The following TPT1 variants were observed in gnomAD, a reference collection of about 807,000 sequenced individuals.
TPT1 encodes tumor protein, translationally-controlled 1.
Under a neutral mutation model 22.8 loss-of-function variants are expected in TPT1, and 5 were observed. The ratio of observed to expected loss-of-function variants is 0.22; its 90% CI spans 0.11 to 0.46. TPT1 has a LOEUF of 0.46. TPT1 is among the 20% of genes least tolerant of loss of function. The probability of loss-of-function intolerance (pLI) is 0.99; values close to 1 mark genes in which losing one functional copy is unlikely to be tolerated. For synonymous variants in TPT1, 89 were observed against 73.6 expected (o/e 1.21, Z -1.07); for missense variants, 130 against 218.7 (o/e 0.59, Z 2.56).
At position 45,337,252 on chromosome 13, in the gene TPT1, A is replaced by G; in HGVS notation, c.*134T>C. Reference sequence around the variant, plus strand: ...TAAAAACAATGCCTCCACTCCAAATAAATCACAGTCAAAATAAATGAAGAG... The same window carrying G: ...TAAAAACAATGCCTCCACTCCAAATGAATCACAGTCAAAATAAATGAAGAG... On this transcript the variant is annotated 3_prime_UTR_variant, in exon 6 of 6. Coordinates refer to ENST00000530705, the MANE Select transcript of TPT1 (RefSeq NM_003295.4). 1 of 883,816 alleles carries G rather than the reference A, an allele frequency of 1.1e-6. No individual in the cohort carries two copies. The highest frequency in any genetic ancestry group is 1.8e-6 in the Non-Finnish European group (1 of 555,850). The allele number at this position is 883,816 out of a possible 1,614,324, so 54.7% of individuals were successfully genotyped here. A position where few individuals can be genotyped will look rare whatever the true frequency, so the allele number is the denominator to read the frequency against.
At chr13:45,339,417 A>T (rs1878930293) in intron 4 of TPT1, 80 bp downstream of exon 4, 3 of 1,299,722 alleles carry the variant, frequency 2.3e-6, no homozygotes, top group Non-Finnish European at 3.3e-6. Flanking sequence ...CTAGTATAGA[A>T]TTGAAGATTA....
rs781385239 is a variant in TPT1 at position 45,337,356 on chromosome 13, G to A, written c.*30C>T. On this transcript the variant is annotated 3_prime_UTR_variant, in exon 6 of 6. Coordinates refer to ENST00000530705, the MANE Select transcript of TPT1 (RefSeq NM_003295.4). ...AAGCAGAAGCCAGTTATGATGACAG[G>A]TGATAGATCCAAAATAATTGCCACA... 3.7e-6 allele frequency: 6 copies of A among 1,611,688 alleles called. No individual in the cohort carries two copies. The highest frequency in any genetic ancestry group is 5.1e-6 in the Non-Finnish European group (6 of 1,178,014).
At position 45,338,354 on chromosome 13, in the gene TPT1, A is replaced by T. The variant is rs144576423; in HGVS notation, c.516+306T>A. On this transcript the variant is annotated intron_variant, in intron 5 of 5. Coordinates refer to ENST00000530705, the MANE Select transcript of TPT1 (RefSeq NM_003295.4). The stretch of plus-strand genomic sequence containing the variant: ...AGGCTGGTCTCGAACTCCCAACCTC[A>T]GGTGATGCACCCACCTCGGCGTCCC... 452 of 371,254 alleles carry T rather than the reference A, an allele frequency of 1.2e-3. 1 individual carries two copies. The highest frequency in any genetic ancestry group is 8.9e-3 in the African/African-American group (425 of 47,766). The allele number at this position is 371,254 out of a possible 1,614,324, so 23.0% of individuals were successfully genotyped here. A position where few individuals can be genotyped will look rare whatever the true frequency, so the allele number is the denominator to read the frequency against.
chr13:45,337,175 A>C lies in TPT1; in HGVS notation c.*211T>G. On this transcript the variant is annotated 3_prime_UTR_variant, in exon 6 of 6. Coordinates refer to ENST00000530705, the MANE Select transcript of TPT1 (RefSeq NM_003295.4). ...CATTAAACTAAAAGGCATTCTCTCA[A>C]ATGAGTTTAAATGCATTTTATTTTT... The C allele has an allele frequency of 3.3e-6, 2 of 608,522 alleles. No individual in the cohort carries two copies. The highest frequency in any genetic ancestry group is 5.8e-6 in the Non-Finnish European group (2 of 342,802). The allele number at this position is 608,522 out of a possible 1,614,324, so 37.7% of individuals were successfully genotyped here.
Position 45,340,704 on chromosome 13 carries a change from C to G in TPT1, c.102+8G>C. 1 of 1,543,998 alleles carries G rather than the reference C, an allele frequency of 6.5e-7. No individual in the cohort carries two copies. The highest frequency in any genetic ancestry group is 8.7e-7 in the Non-Finnish European group (1 of 1,145,650). ...GGACTCCCCCACGCGCAGGCCCGAC[C>G]GACTCACCTTCCCCTCCACCTCCAG... On this transcript the variant is annotated splice_region_variant and intron_variant, in intron 2 of 5. Transcript: ENST00000530705.
rs1185455543 is a variant in TPT1 at position 45,336,494 on chromosome 13, T to G, written c.*892A>C. The G allele has an allele frequency of 6.6e-6, 1 of 152,184 alleles. No homozygotes were observed. The highest frequency in any genetic ancestry group is 6.5e-5 in the Admixed American group (1 of 15,270). 9.4% of individuals were successfully genotyped at this position (152,184 alleles called of 1,614,324 possible). ...CTTTTCAGATACAATATAGAGAACA[T>G]TTTTACCCCTTTGCCCACCAGCCAG... On this transcript the variant is annotated 3_prime_UTR_variant, in exon 6 of 6. Coordinates refer to ENST00000530705, the MANE Select transcript of TPT1 (RefSeq NM_003295.4).
rs1189458086 is a variant in TPT1, at chr13:45,337,399, A to G, written c.517-11T>C. ...TTGCCACATTTGTTACTGTAAAAGC[A>G]AAAACTACATTAATATTTTTCAAAC... On this transcript the variant is annotated splice_polypyrimidine_tract_variant and intron_variant, in intron 5 of 5. Coordinates refer to ENST00000530705, the MANE Select transcript of TPT1 (RefSeq NM_003295.4). 24 of 1,614,018 alleles carry G rather than the reference A, an allele frequency of 1.5e-5. No individual in the cohort carries two copies. Among genetic ancestry groups the G allele is most frequent in the Non-Finnish European group, 2.0e-5 (24 of 1,180,016 alleles).
At chr13:45,340,261 A>C in intron 2 of TPT1, 77 bp from the exon 3 acceptor site, 1 of 1,487,932 alleles carries the variant, frequency 6.7e-7, no homozygotes, top group South Asian at 1.2e-5. Context: ...TAGTTCACGG[A>C]TAAGAAGTAT....
Position 45,333,509 on chromosome 13 carries a change from C to T in TPT1, c.*3877G>A, listed in dbSNP as rs778850861. The T allele has an allele frequency of 2.0e-5, 3 of 152,276 alleles. No individual in the cohort carries two copies. The highest frequency in any genetic ancestry group is 1.3e-4 in the Admixed American group (2 of 15,284). 9.4% of individuals were successfully genotyped at this position (152,276 alleles called of 1,614,324 possible). A position where few individuals can be genotyped will look rare whatever the true frequency, so the allele number is the denominator to read the frequency against. On this transcript the variant is annotated 3_prime_UTR_variant, in exon 6 of 6. Transcript: ENST00000530705. ...CTCAAGTTGGTTGAGATTTATTGCTCGTCTTGCAATTTTACCATAATTATC... is the reference window on the plus strand; with the variant it reads ...CTCAAGTTGGTTGAGATTTATTGCTTGTCTTGCAATTTTACCATAATTATC...
chr13:45,340,884 G>C (rs1481907776), intron 1 of TPT1, 99 bp from the exon 2 acceptor site: 9 of 1,462,752 alleles, frequency 6.2e-6, no homozygotes, highest in South Asian at 4.2e-5. Flanking sequence ...CCCCTCCGTA[G>C]CACACCAGAG....
chr13:45,339,081 C>T, intron 4 of TPT1: 1 of 316,846 alleles, frequency 3.2e-6, no homozygotes, highest in Middle Eastern at 8.6e-4. Flanking sequence ...CCACAGGGAA[C>T]ATAAGGCTGA....
At chr13:45,338,611 A>C in intron 5 of TPT1, 49 bp downstream of exon 5, 1 of 1,596,850 alleles carries the variant, frequency 6.3e-7, no homozygotes, top group Non-Finnish European at 8.5e-7. Flanking sequence ...AATCACATCT[A>C]AAATGTCTTT....
At chr13:45,341,183 GGC>G, upstream of TPT1, 14 of 1,424,572 alleles carry the variant, frequency 9.8e-6, no homozygotes, top group Non-Finnish European at 1.3e-5. Context: ...GGGCGGAAAA[GGC>G]CGACTCAGCC....
In TPT1 at chr13:45,336,514, A is replaced by C. The variant is rs1878711614; in HGVS notation, c.*872T>G. On this transcript the variant is annotated 3_prime_UTR_variant, in exon 6 of 6. Transcript: ENST00000530705. ...GAACATTTTTACCCCTTTGCCCACC[A>C]GCCAGCCCACATTCTGTGTACCTTC... 6.6e-6 allele frequency: 1 copy of C among 152,190 alleles called. No individual in the cohort carries two copies. Among genetic ancestry groups the C allele is most frequent in the Admixed American group, 6.6e-5 (1 of 15,266 alleles). The allele number at this position is 152,190 out of a possible 1,614,324, so 9.4% of individuals were successfully genotyped here.
chr13:45,337,614 C>A, intron 5 of TPT1: 3 of 1,558,876 alleles, frequency 1.9e-6, no homozygotes, highest in Non-Finnish European at 2.6e-6. Context: ...ATGCAGAACA[C>A]CCTTACCAAA....
In TPT1 at chr13:45,336,350, T is replaced by TA. The variant is rs960481071; in HGVS notation, c.*1035dup. Reference sequence around the variant, plus strand: ...TCTATTCAATCTCAGCTGCCACAATTAGACAGACGGAAAGCGCAAGGACAT... The same window carrying TA: ...TCTATTCAATCTCAGCTGCCACAATTAAGACAGACGGAAAGCGCAAGGACAT... On this transcript the variant is annotated 3_prime_UTR_variant, in exon 6 of 6. Transcript: ENST00000530705. 2.0e-5 allele frequency: 3 copies of TA among 151,466 alleles called. No homozygotes were observed. Among genetic ancestry groups the TA allele is most frequent in the African/African-American group, 7.2e-5 (3 of 41,414 alleles). 9.4% of individuals were successfully genotyped at this position (151,466 alleles called of 1,614,324 possible).
rs1162000575 is a variant in TPT1, at chr13:45,340,110, G to A, written c.177C>T (p.Gly59=). 3 of 1,614,000 alleles carry A rather than the reference G, an allele frequency of 1.9e-6. No individual in the cohort carries two copies. Among genetic ancestry groups the A allele is most frequent in the Non-Finnish European group, 1.7e-6 (2 of 1,179,980 alleles). The stretch of plus-strand genomic sequence containing the variant: ...TGATTACTGTGCTTTCGGTACCTTC[G>A]CCCTCGGGGCCTTCAGCGGAGGCAT... ...GGNASAEGPE[G]EGTESTVITG... is the part of the protein sequence containing the mutation. Residue 59 remains glycine, a synonymous_variant, in exon 3 of 6, where the codon GGC becomes GGT. Coordinates refer to ENST00000530705, the MANE Select transcript of TPT1 (RefSeq NM_003295.4).
chr13:45,340,536 G>C, intron 2 of TPT1, 176 bp downstream of exon 2: 1 of 840,578 alleles, frequency 1.2e-6, no homozygotes, highest in Non-Finnish European at 2.0e-6. Flanking sequence ...CCGAGGCGGC[G>C]GGCCTATTTC....
In TPT1 at chr13:45,336,322, T is replaced by G. The variant is rs551552998; in HGVS notation, c.*1064A>C. On this transcript the variant is annotated 3_prime_UTR_variant, in exon 6 of 6. Transcript: ENST00000530705. ...CTTCCCGCTTTTTTTCCTCCTGTAT[T>G]CCTCTATTCAATCTCAGCTGCCACA... 3.9e-5 allele frequency: 6 copies of G among 152,284 alleles called. No homozygotes were observed. Among genetic ancestry groups the G allele is most frequent in the African/African-American group, 1.4e-4 (6 of 41,556 alleles). 9.4% of individuals were successfully genotyped at this position (152,284 alleles called of 1,614,324 possible). A position where few individuals can be genotyped will look rare whatever the true frequency, so the allele number is the denominator to read the frequency against.
Sources: allele counts gnomAD v4.1 joint callset, GRCh38; gene constraint gnomAD v4.1.1; transcripts MANE v1.5; gene names NCBI Gene and HGNC (gene_info 2026-07-23, HGNC 2026-07-21).